Variants in NUBP2 observed in about 807,000 individuals in gnomAD.
NUBP2 encodes NUBP iron-sulfur cluster assembly factor 2, cytosolic.
A neutral mutation model predicts 24.9 loss-of-function variants in NUBP2; 23 were observed. The observed-to-expected ratio is 0.92, with a 90% CI of 0.66 to 1.31. The LOEUF is 1.31. NUBP2 is among the 50% of genes most tolerant of loss of function. NUBP2 has a pLI of 0.00. For synonymous variants in NUBP2, 186 were observed against 170.9 expected (o/e 1.09, Z -0.69); for missense variants, 403 against 386.5 (o/e 1.04, Z -0.36).
In NUBP2 at chr16:1,787,827, C is replaced by G; in HGVS notation, c.485C>G (p.Pro162Arg). 1 of 1,610,352 alleles carries G rather than the reference C, an allele frequency of 6.2e-7. No individual in the cohort carries two copies. The highest frequency in any genetic ancestry group is 8.5e-7 in the Non-Finnish European group (1 of 1,179,188). The change falls in exon 4 of 7, where the codon CCC (proline) becomes CGC (arginine). Residue 162 changes from proline (P) to arginine (R), a missense_variant. Coordinates refer to ENST00000262302, the MANE Select transcript of NUBP2 (RefSeq NM_012225.4). ...QPLGALVVTT[P>R]QAVSVGDVRR... is the part of the protein sequence containing the mutation. ...CTGGGGGCCCTCGTGGTCACCACGC[C>G]CCAGGTAGCGCTGCGGCACCTTCCC... is the stretch of plus-strand genomic sequence containing the variant.
Position 1,786,512 on chromosome 16 carries a change from CCTT to C in NUBP2, c.17-22_17-20del, listed in dbSNP as rs1567235312. The C allele has an allele frequency of 1.3e-6, 2 of 1,565,000 alleles. No homozygotes were observed. The highest frequency in any genetic ancestry group is 1.2e-5 in the South Asian group (1 of 85,558). ...GCACAGTGGGCACCAGGAGCCCTGA[CCTT>C]CTCTGTCGTGTTTCCGCCCAGAGCC... On this transcript the variant is annotated intron_variant, in intron 1 of 6. Coordinates refer to ENST00000262302, the MANE Select transcript of NUBP2 (RefSeq NM_012225.4).
At chr16:1,785,066 C>T (rs1460393939) in intron 1 of NUBP2, 1 of 983,602 alleles carries the variant, frequency 1.0e-6, no homozygotes, top group African/African-American at 1.7e-5. Flanking sequence ...TAAAAATATA[C>T]ATTTACTGTA....
intron 1 of NUBP2, 81 bp from the exon 2 acceptor site, chr16:1,786,456 C>A: frequency 8.2e-7 from 1 of 1,226,158 alleles, no homozygotes; most frequent in Non-Finnish European, 1.2e-6. Context: ...AACGTGGGTG[C>A]AAGAGGCAGT....
chr16:1,788,656 C>T lies in NUBP2; in HGVS notation c.758C>T (p.Ala253Val). ...IQEFPGSPAF[A>V]ALTSIAQKIL... The stretch of plus-strand genomic sequence containing the variant: ...GAGTTCCCTGGGAGCCCCGCCTTCG[C>T]TGCACTCACCTCCATAGCCCAGAAG... The change falls in exon 7 of 7, where the codon GCT (alanine) becomes GTT (valine). Residue 253 changes from alanine to valine, a missense_variant. By Grantham distance (64) the Ala-to-Val change is moderately conservative. Coordinates refer to ENST00000262302, the MANE Select transcript of NUBP2 (RefSeq NM_012225.4). 1 of 1,612,400 alleles carries T rather than the reference C, an allele frequency of 6.2e-7. No homozygotes were observed. Among genetic ancestry groups the T allele is most frequent in the Non-Finnish European group, 8.5e-7 (1 of 1,179,822 alleles).
Position 1,788,894 on chromosome 16 carries a change from G to T in NUBP2, c.*180G>T. On this transcript the variant is annotated 3_prime_UTR_variant, in exon 7 of 7. Transcript: ENST00000262302. ...ATGTGTCGCACCAGCAGCTCTGCCT[G>T]GTTGGCCTGCAGTGCCGTGGTCTGC... is the stretch of plus-strand genomic sequence containing the variant. 1 of 823,536 alleles carries T rather than the reference G, an allele frequency of 1.2e-6. No homozygotes were observed. Among genetic ancestry groups the T allele is most frequent in the South Asian group, 2.0e-5 (1 of 49,110 alleles). The allele number at this position is 823,536 out of a possible 1,614,324, so 51.0% of individuals were successfully genotyped here.
chr16:1,783,563 C>G (rs921880346), intron 1 of NUBP2: 2 of 930,052 alleles, frequency 2.2e-6, no homozygotes, highest in South Asian at 9.9e-5. Flanking sequence ...GCCAGATCAG[C>G]GCCGTGGGCC....
chr16:1,787,635 A>ACCTGC (rs748976374), intron 3 of NUBP2, 42 bp from the exon 4 acceptor site: 26 of 1,602,396 alleles, frequency 1.6e-5, no homozygotes, highest in African/African-American at 1.6e-4. Context: ...ACGTGTGCAG[A>ACCTGC]CCTGCCCTGC....
chr16:1,788,036 C>G lies in NUBP2; in HGVS notation c.585C>G (p.Thr195=), dbSNP rs2272977. 0.12 allele frequency: 190,604 copies of G among 1,593,574 alleles called. 12,080 individuals are homozygous for G. Among genetic ancestry groups the G allele is most frequent in the East Asian group, 0.19 (8,688 of 44,688 alleles). ...TCGTGGAGAATATGAGCGGCTTCACCTGCCCACACTGCACGGTGAGTCCCG... is the reference window on the plus strand; with the variant it reads ...TCGTGGAGAATATGAGCGGCTTCACGTGCCCACACTGCACGGTGAGTCCCG... ...MGIVENMSGF[T]CPHCTECTSV... Residue 195 remains threonine, a synonymous_variant, in exon 5 of 7, where the codon ACC becomes ACG. Transcript: ENST00000262302.
intron 1 of NUBP2, chr16:1,785,282 T>C: frequency 9.6e-7 from 1 of 1,040,518 alleles, no homozygotes; most frequent in Non-Finnish European, 1.2e-6. Context: ...TGCCTCAGTT[T>C]GCTGAGAAGT....
Position 1,788,785 on chromosome 16 carries a change from C to A in NUBP2, c.*71C>A. ...CTCCAGCCTCTCAGAGAAACAGAGG[C>A]CTGGGCTCGGTTCCCGGGCCCTGCA... On this transcript the variant is annotated 3_prime_UTR_variant, in exon 7 of 7. Coordinates refer to ENST00000262302, the MANE Select transcript of NUBP2 (RefSeq NM_012225.4). 1.3e-6 allele frequency: 2 copies of A among 1,513,828 alleles called. No individual in the cohort carries two copies. The highest frequency in any genetic ancestry group is 2.6e-5 in the South Asian group (2 of 77,300). The allele number at this position is 1,513,828 out of a possible 1,614,324, so 93.8% of individuals were successfully genotyped here.
intron 3 of NUBP2, chr16:1,787,202 G>A (rs1172537633): frequency 1.5e-5 from 7 of 460,352 alleles, no homozygotes; most frequent in Non-Finnish European, 7.7e-6. Flanking sequence ...TGGCATGCAG[G>A]GACCTGAGGC....
In NUBP2 at chr16:1,787,809, C is replaced by T. The variant is rs1435836635; in HGVS notation, c.467C>T (p.Ala156Val). Reference protein sequence around the residue: ...EALRPYQPLGALVVTTPQAVS... With the variant: ...EALRPYQPLGVLVVTTPQAVS... Reference sequence around the variant, plus strand: ...CTGCGTCCCTACCAGCCCCTGGGGGCCCTCGTGGTCACCACGCCCCAGGTA... The same window carrying T: ...CTGCGTCCCTACCAGCCCCTGGGGGTCCTCGTGGTCACCACGCCCCAGGTA... The change falls in exon 4 of 7, where the codon GCC (alanine) becomes GTC (valine). Residue 156 changes from alanine (A) to valine (V), a missense_variant. Ala to Val is a moderately conservative substitution (Grantham distance 64). Transcript: ENST00000262302. 2.5e-6 allele frequency: 4 copies of T among 1,611,332 alleles called. No homozygotes were observed. The highest frequency in any genetic ancestry group is 3.4e-6 in the Non-Finnish European group (4 of 1,179,642).
Position 1,787,825 on chromosome 16 carries a change from GCCCC to G in NUBP2, c.484_487del (p.Pro162ArgfsTer8). 1 of 1,610,148 alleles carries G rather than the reference GCCCC, an allele frequency of 6.2e-7. No homozygotes were observed. The highest frequency in any genetic ancestry group is 8.5e-7 in the Non-Finnish European group (1 of 1,179,170). Reference sequence around the variant, plus strand: ...CCCTGGGGGCCCTCGTGGTCACCACGCCCCAGGTAGCGCTGCGGCACCTTCCCGA... The same window carrying G: ...CCCTGGGGGCCCTCGTGGTCACCACGAGGTAGCGCTGCGGCACCTTCCCGA... On this transcript the variant is annotated frameshift_variant and splice_region_variant, in exon 4 of 7. Transcript: ENST00000262302. LOFTEE classifies it high-confidence loss of function.
In NUBP2 at chr16:1,788,166, G is replaced by T. The variant is rs1897079816; in HGVS notation, c.629G>T (p.Gly210Val). The change falls in exon 6 of 7, where the codon GGC becomes GTC. Residue 210 changes from glycine to valine, a missense_variant. By Grantham distance (109) the Gly-to-Val change is moderately radical. Transcript: ENST00000262302. Reference sequence around the variant, plus strand: ...TGCACCAGCGTCTTCTCCAGGGGCGGCGGAGAGGAGCTGGCCCAGCTCGCC... The same window carrying T: ...TGCACCAGCGTCTTCTCCAGGGGCGTCGGAGAGGAGCTGGCCCAGCTCGCC... ...TECTSVFSRG[G>V]GEELAQLAGV... 1 of 1,535,156 alleles carries T rather than the reference G, an allele frequency of 6.5e-7. No individual in the cohort carries two copies. The highest frequency in any genetic ancestry group is 1.2e-5 in the South Asian group (1 of 80,420).
rs969484598 is a variant in NUBP2, at chr16:1,787,203, G to T, written c.334+248G>T. 1.1e-5 allele frequency: 5 copies of T among 460,964 alleles called. No homozygotes were observed. The East Asian group carries it at 1.7e-4, about 15-fold the overall frequency. 28.6% of individuals were successfully genotyped at this position (460,964 alleles called of 1,614,324 possible). A position where few individuals can be genotyped will look rare whatever the true frequency, so the allele number is the denominator to read the frequency against. ...TGAGACCCTGGCCATGGCATGCAGG[G>T]ACCTGAGGCCCCAGTGTGGCAGGTC... is the stretch of plus-strand genomic sequence containing the variant. On this transcript the variant is annotated intron_variant, in intron 3 of 6. Coordinates refer to ENST00000262302, the MANE Select transcript of NUBP2 (RefSeq NM_012225.4).
Position 1,788,175 on chromosome 16 carries a change from A to T in NUBP2, c.638A>T (p.Glu213Val). The change falls in exon 6 of 7, where the codon GAG (glutamate) becomes GTG (valine). Residue 213 changes from glutamate to valine, a missense_variant. Coordinates refer to ENST00000262302, the MANE Select transcript of NUBP2 (RefSeq NM_012225.4). ...TSVFSRGGGEELAQLAGVPFL... is the reference protein window; with the variant it reads ...TSVFSRGGGEVLAQLAGVPFL... Reference sequence around the variant, plus strand: ...GTCTTCTCCAGGGGCGGCGGAGAGGAGCTGGCCCAGCTCGCCGGGGTGCCC... The same window carrying T: ...GTCTTCTCCAGGGGCGGCGGAGAGGTGCTGGCCCAGCTCGCCGGGGTGCCC... 6.6e-7 allele frequency: 1 copy of T among 1,523,016 alleles called. No individual in the cohort carries two copies. The highest frequency in any genetic ancestry group is 1.8e-4 in the Middle Eastern group (1 of 5,700). The allele number at this position is 1,523,016 out of a possible 1,614,324, so 94.3% of individuals were successfully genotyped here. A position where few individuals can be genotyped will look rare whatever the true frequency, so the allele number is the denominator to read the frequency against.
chr16:1,787,925 G>T lies in NUBP2; in HGVS notation c.490-16G>T, dbSNP rs746219650. 9.4e-6 allele frequency: 15 copies of T among 1,602,388 alleles called. No individual in the cohort carries two copies. In the Admixed American group the frequency reaches 1.9e-4, roughly 20 times the overall value. Reference sequence around the variant, plus strand: ...GGTGCGCCTGGCTGACCGTGGCCTCGGCTCCTGCCCCGCAGGCGGTGTCCG... The same window carrying T: ...GGTGCGCCTGGCTGACCGTGGCCTCTGCTCCTGCCCCGCAGGCGGTGTCCG... On this transcript the variant is annotated splice_polypyrimidine_tract_variant and intron_variant, in intron 4 of 6. Transcript: ENST00000262302.
chr16:1,785,522 C>T, intron 1 of NUBP2: 1 of 1,199,350 alleles, frequency 8.3e-7, no homozygotes, highest in Admixed American at 3.3e-5. Flanking sequence ...GTGCATGCTC[C>T]CTCTCTGCAC....
chr16:1,784,755 C>T (rs1896883605), intron 1 of NUBP2: 1 of 150,984 alleles, frequency 6.6e-6, no homozygotes, highest in Non-Finnish European at 1.5e-5. Flanking sequence ...TTCAAAAGGC[C>T]TAGGCTGGGC....
Sources: allele counts gnomAD v4.1 joint callset, GRCh38; gene constraint gnomAD v4.1.1; transcripts MANE v1.5; gene names NCBI Gene and HGNC (gene_info 2026-07-23, HGNC 2026-07-21).